CADM2: variants seen among roughly 807,000 people sequenced by gnomAD.
CADM2 encodes the protein cell adhesion molecule 2.
In CADM2, 12 loss-of-function variants were observed where a neutral mutation model predicts 49.8. The observed-to-expected ratio is 0.24, with a 90% CI of 0.15 to 0.39. The LOEUF (loss-of-function observed/expected upper bound fraction) is 0.39, where lower values mean the gene tolerates loss of function less well. Ranked by LOEUF, CADM2 falls within the 10% of genes least tolerant of loss-of-function variation. The probability of loss-of-function intolerance (pLI) is 1.00; values close to 1 mark genes in which losing one functional copy is unlikely to be tolerated. For missense variants in CADM2, 378 were observed against 492.3 expected (o/e 0.77, Z 2.20); for synonymous variants, 214 against 175.4 (o/e 1.22, Z -1.74).
intron 1 of CADM2, among the ~76,000 whole-genome samples, chr3:85,500,069 G>A (rs1167031737): frequency 2.6e-5 from 4 of 152,112 alleles, no homozygotes; most frequent in Non-Finnish European, 4.4e-5. Flanking sequence ...TTACAGTTGT[G>A]AATAGAGTCC....
rs757683083 is a variant in CADM2 at position 86,067,315 on chromosome 3, A to C, written c.*532A>C. On this transcript the variant is annotated 3_prime_UTR_variant, in exon 10 of 10. Coordinates refer to ENST00000383699, the MANE Select transcript of CADM2 (RefSeq NM_001167675.2). ...GGAAACATATGTCCTAGAAAACATAAAATTAAAAAAAAACACTATAGTGTA... is the reference window on the plus strand; with the variant it reads ...GGAAACATATGTCCTAGAAAACATACAATTAAAAAAAAACACTATAGTGTA... The C allele has an allele frequency of 1.3e-5, 2 of 152,754 alleles. No homozygotes were observed. Among genetic ancestry groups the C allele is most frequent in the Non-Finnish European group, 2.9e-5 (2 of 68,144 alleles). 9.5% of individuals were successfully genotyped at this position (152,754 alleles called of 1,614,324 possible).
chr3:85,677,529 A>G (rs2065918782), intron 1 of CADM2, among the ~76,000 whole-genome samples: 2 of 152,172 alleles, frequency 1.3e-5, no homozygotes, highest in African/African-American at 4.8e-5. Flanking sequence ...TAATAAAAAT[A>G]ATTAAAAGAA....
chr3:85,594,721 GT>G (rs1267236949), intron 1 of CADM2, among the ~76,000 whole-genome samples: 4 of 151,908 alleles, frequency 2.6e-5, no homozygotes, highest in Non-Finnish European at 5.9e-5. Flanking sequence ...TATTAGTGAG[GT>G]TTTTTGTTTT....
intron 1 of CADM2, among the ~76,000 whole-genome samples, chr3:85,282,051 T>C (rs2043512692): frequency 6.6e-6 from 1 of 152,020 alleles, no homozygotes; most frequent in Admixed American, 6.6e-5. Flanking sequence ...TCTTCAAAAA[T>C]CAAACCTATG....
chr3:85,435,868 G>A (rs564113246), intron 1 of CADM2, among the ~76,000 whole-genome samples: 2 of 151,980 alleles, frequency 1.3e-5, no homozygotes, highest in African/African-American at 4.8e-5. Flanking sequence ...TGATGGGGTC[G>A]TTTGTTTTTT....
Position 85,326,039 on chromosome 3 carries a change from G to A in CADM2, c.61+366371G>A, listed in dbSNP as rs187741151. 3.9e-4 allele frequency among the ~76,000 whole-genome samples: 60 copies of A among 152,128 alleles called. 1 individual carries two copies. The highest frequency in any genetic ancestry group is 7.4e-4 in the Non-Finnish European group (50 of 68,018). On this transcript the variant is annotated intron_variant, in intron 1 of 9. Coordinates refer to ENST00000383699, the MANE Select transcript of CADM2 (RefSeq NM_001167675.2). ...AATGTTTATTATGGAATCAACCAAA[G>A]TGTAAGTAGGAATGATACACGATGT...
At chr3:85,744,960 C>A (rs954083429) in intron 2 of CADM2, among the ~76,000 whole-genome samples, 8 of 152,010 alleles carry the variant, frequency 5.3e-5, no homozygotes, top group African/African-American at 1.9e-4. Flanking sequence ...GGTGAGGGTT[C>A]AAGATGTTAT....
intron 8 of CADM2, among the ~76,000 whole-genome samples, chr3:85,987,630 TATA>T (rs1446545128): frequency 2.0e-5 from 3 of 146,758 alleles, no homozygotes; most frequent in Non-Finnish European, 1.5e-5. Context: ...AATTAAATAT[TATA>T]ATAAAATATG....
chr3:85,606,294 C>T (rs371071339), intron 1 of CADM2, among the ~76,000 whole-genome samples: 1 of 152,030 alleles, frequency 6.6e-6, no homozygotes, highest in African/African-American at 2.4e-5. Flanking sequence ...TTCTAATGCA[C>T]TACTTACTAC....
intron 1 of CADM2, among the ~76,000 whole-genome samples, chr3:85,446,597 G>GTTT (rs1447208577): frequency 1.0e-4 from 11 of 107,604 alleles, no homozygotes; most frequent in African/African-American, 2.7e-4. Context: ...AGTTTTTTTT[G>GTTT]TTTTTTGTTT....
In CADM2 at chr3:85,866,533, C is replaced by A. The variant is rs918742992; in HGVS notation, c.239-16758C>A. Among the ~76,000 whole-genome samples, 8 of 152,214 alleles carry A rather than the reference C, an allele frequency of 5.3e-5. No homozygotes were observed. In the South Asian group the frequency reaches 1.7e-3, roughly 32 times the overall value. On this transcript the variant is annotated intron_variant, in intron 3 of 9. Transcript: ENST00000383699. The stretch of plus-strand genomic sequence containing the variant: ...TTTTCATGTTGTTTTGCAATTATCA[C>A]CTACGTATTTTATATCTGTACGTTT...
In CADM2 at chr3:85,986,123, C is replaced by T. The variant is rs1203303152; in HGVS notation, c.970+24476C>T. The stretch of plus-strand genomic sequence containing the variant: ...ATGTTCTATCCTGCCCTTCTATTCT[C>T]TACATCCTTTATATCAAAAGAAATC... On this transcript the variant is annotated intron_variant, in intron 8 of 9. Transcript: ENST00000383699. Among the ~76,000 whole-genome samples, 4 of 152,044 alleles carry T rather than the reference C, an allele frequency of 2.6e-5. No individual in the cohort carries two copies. The East Asian group carries it at 7.7e-4, about 29-fold the overall frequency.
chr3:85,809,548 CT>C (rs934094030), intron 3 of CADM2, among the ~76,000 whole-genome samples: 96 of 151,978 alleles, frequency 6.3e-4, no homozygotes, highest in African/African-American at 2.3e-3. Context: ...CCAATATAGC[CT>C]GGGCAACACA....
intron 1 of CADM2, among the ~76,000 whole-genome samples, chr3:85,077,555 C>G (rs891977414): frequency 3.9e-5 from 6 of 152,038 alleles, no homozygotes; most frequent in Admixed American, 3.9e-4. Context: ...CAAACTATAA[C>G]ATCTCCACTG....
At chr3:85,959,399 C>A (rs1724536846) in intron 7 of CADM2, among the ~76,000 whole-genome samples, 1 of 151,806 alleles carries the variant, frequency 6.6e-6, no homozygotes, top group Non-Finnish European at 1.5e-5. Context: ...GATCATCTAA[C>A]CTTCAGTCAC....
chr3:85,199,171 T>C (rs2107740921), intron 1 of CADM2, among the ~76,000 whole-genome samples: 1 of 152,134 alleles, frequency 6.6e-6, no homozygotes. Context: ...TAATATGCAC[T>C]GTACTGTGCA....
chr3:85,731,048 A>G (rs982354985), intron 2 of CADM2, among the ~76,000 whole-genome samples: 1 of 152,152 alleles, frequency 6.6e-6, no homozygotes, highest in Non-Finnish European at 1.5e-5. Flanking sequence ...CAGTATTTCA[A>G]TTTGCTGAGT....
chr3:85,919,682 A>G (rs1309564692), intron 6 of CADM2, among the ~76,000 whole-genome samples: 2 of 151,818 alleles, frequency 1.3e-5, no homozygotes, highest in Non-Finnish European at 1.5e-5. Flanking sequence ...AAAATGTATC[A>G]AACTATTTCT....
intron 1 of CADM2, among the ~76,000 whole-genome samples, chr3:85,134,535 T>G (rs1449404982): frequency 6.6e-6 from 1 of 152,242 alleles, no homozygotes; most frequent in African/African-American, 2.4e-5. Context: ...ACCACAGTTT[T>G]TGTAATTTTA....
Sources: allele counts gnomAD v4.1 joint callset (sites outside exome capture counted in the v4.1 genomes callset), GRCh38; gene constraint gnomAD v4.1.1; transcripts MANE v1.5; gene names NCBI Gene and HGNC (gene_info 2026-07-23, HGNC 2026-07-21).